The following PAPLN variants were observed in gnomAD, a reference collection of about 807,000 sequenced individuals.
PAPLN encodes papilin, proteoglycan like sulfated glycoprotein, also known as papilin.
In PAPLN, 146 loss-of-function variants were observed where a neutral mutation model predicts 159.0. That is an observed-to-expected ratio of 0.92 (90% CI 0.80 to 1.05). PAPLN has a LOEUF of 1.05. Ranked by LOEUF, PAPLN falls within the 50% of genes least tolerant of loss-of-function variation. The pLI is 0.00. For missense variants in PAPLN, 1,720 were observed against 1,743.9 expected (o/e 0.99, Z 0.24); for synonymous variants, 734 against 702.9 (o/e 1.04, Z -0.70).
intron 5 of PAPLN, among the ~76,000 whole-genome samples, chr14:73,247,913 TG>T (rs1594787691): frequency 1.5e-5 from 2 of 130,110 alleles, no homozygotes; most frequent in Admixed American, 7.6e-5. Context: ...TGTGTGTGTG[TG>T]TGTGTGTGTG....
At chr14:73,250,231 G>C in intron 6 of PAPLN, 117 bp downstream of exon 6, 2 of 1,347,810 alleles carry the variant, frequency 1.5e-6, no homozygotes, top group Non-Finnish European at 1.9e-6. Flanking sequence ...GTCTTCTCAA[G>C]TTACCAGGAC....
chr14:73,271,607 T>C (rs572683520), intron 26 of PAPLN, among the ~76,000 whole-genome samples: 1 of 152,188 alleles, frequency 6.6e-6, no homozygotes, highest in African/African-American at 2.4e-5. Context: ...GTTCAAGCGA[T>C]TCTTCTGCCT....
intron 21 of PAPLN, 100 bp from the exon 22 acceptor site, chr14:73,264,488 C>A (rs551706339): frequency 1.3e-6 from 2 of 1,521,462 alleles, no homozygotes; most frequent in East Asian, 4.5e-5. Flanking sequence ...ACCCTGTGGC[C>A]CTCATTTCTC....
At chr14:73,264,011 T>G in intron 20 of PAPLN, 200 bp from the exon 21 acceptor site, 2 of 1,368,380 alleles carry the variant, frequency 1.5e-6, no homozygotes, top group Admixed American at 4.6e-5. Flanking sequence ...CTCTGACAGG[T>G]TCACGTGACA....
In PAPLN at chr14:73,246,115, G is replaced by A. The variant is rs779938639; in HGVS notation, c.274G>A (p.Ala92Thr). 6.9e-6 allele frequency: 11 copies of A among 1,590,728 alleles called. No individual in the cohort carries two copies. Among genetic ancestry groups the A allele is most frequent in the African/African-American group, 1.4e-5 (1 of 72,430 alleles). The change falls in exon 5 of 27, where the codon GCG becomes ACG. Residue 92 changes from alanine (A) to threonine (T), a missense_variant. Ala to Thr is a moderately conservative substitution (Grantham distance 58). Transcript: ENST00000644200. ...GARDFRAEQC[A>T]EFDGAEFQGR... ...CCGGGACTTCCGGGCCGAGCAGTGCGCGGAGTTCGACGGAGCGGAGTTCCA... is the reference window on the plus strand; with the variant it reads ...CCGGGACTTCCGGGCCGAGCAGTGCACGGAGTTCGACGGAGCGGAGTTCCA...
rs745758400 is a variant in PAPLN at position 73,251,535 on chromosome 14, C to T, written c.639C>T (p.Ile213=). The T allele has an allele frequency of 1.2e-4, 194 of 1,612,038 alleles. No homozygotes were observed. Among genetic ancestry groups the T allele is most frequent in the Non-Finnish European group, 1.6e-4 (186 of 1,179,886 alleles). ...CCATGGGTGCCACCAGCATCCTCAT[C>T]GACGAGGCTGCTGCCAGCAGGAACT... The part of the protein sequence containing the change: ...IVPMGATSIL[I]DEAAASRNFL... The change falls in exon 8 of 27, where the codon ATC becomes ATT. Residue 213 remains isoleucine, a synonymous_variant. Coordinates refer to ENST00000644200, the MANE Select transcript of PAPLN (RefSeq NM_001365906.3).
At chr14:73,267,014 G>C (rs552100115) in intron 25 of PAPLN, among the ~76,000 whole-genome samples, 183 bp downstream of exon 25, 1 of 152,298 alleles carries the variant, frequency 6.6e-6, no homozygotes, top group African/African-American at 2.4e-5. Context: ...AGGGCCACTG[G>C]CTCTCTGCTG....
Position 73,243,961 on chromosome 14 carries a change from C to A in PAPLN, c.55-683C>A, listed in dbSNP as rs1883895424. 3 of 152,402 alleles carry A rather than the reference C, an allele frequency of 2.0e-5. No homozygotes were observed. In the East Asian group the frequency reaches 5.8e-4, roughly 29 times the overall value. 9.4% of individuals were successfully genotyped at this position (152,402 alleles called of 1,614,324 possible). On this transcript the variant is annotated intron_variant, in intron 2 of 26. Transcript: ENST00000644200. The stretch of plus-strand genomic sequence containing the variant: ...CAACTCCAGCCATCACATCTGCTTC[C>A]CAGACAGCCTGAAAGAGTACAGGAG...
chr14:73,249,551 G>C (rs1351392778), intron 5 of PAPLN, among the ~76,000 whole-genome samples: 1 of 151,944 alleles, frequency 6.6e-6, no homozygotes, highest in Non-Finnish European at 1.5e-5. Context: ...GCGCGTGCCT[G>C]TAGTCCCGGC....
Position 73,245,945 on chromosome 14 carries a change from T to A in PAPLN, c.232-128T>A. ...GAGTTCGGGGGTCCGGGGGGCGGAC[T>A]CCACCTCCGGCGGCTCCGATGGGGC... On this transcript the variant is annotated intron_variant, in intron 4 of 26. Coordinates refer to ENST00000644200, the MANE Select transcript of PAPLN (RefSeq NM_001365906.3). This position sits in a 1 kb window ranked among gnomAD's most constrained non-coding sequence, Gnocchi z 4.2. 1 of 1,017,656 alleles carries A rather than the reference T, an allele frequency of 9.8e-7. No individual in the cohort carries two copies. Among genetic ancestry groups the A allele is most frequent in the Non-Finnish European group, 1.4e-6 (1 of 722,686 alleles). The allele number at this position is 1,017,656 out of a possible 1,614,324, so 63.0% of individuals were successfully genotyped here.
At chr14:73,255,831 C>T (rs1885843812) in intron 14 of PAPLN, among the ~76,000 whole-genome samples, 1 of 152,208 alleles carries the variant, frequency 6.6e-6, no homozygotes, top group Non-Finnish European at 1.5e-5. Flanking sequence ...TCAGAGTCAA[C>T]AGCAGGCTTG....
At chr14:73,248,178 T>C (rs563897162) in intron 5 of PAPLN, among the ~76,000 whole-genome samples, 5 of 144,866 alleles carry the variant, frequency 3.5e-5, no homozygotes, top group Admixed American at 3.5e-4. Context: ...TCTGTGTGTG[T>C]GTGTGTGTGT....
chr14:73,267,883 T>C (rs1289681413), intron 25 of PAPLN, among the ~76,000 whole-genome samples: 5 of 152,178 alleles, frequency 3.3e-5, no homozygotes, highest in African/African-American at 7.2e-5. Flanking sequence ...GCAGACCCTA[T>C]GCTGACATAG....
chr14:73,252,809 G>A (rs374206052), intron 11 of PAPLN, 34 bp downstream of exon 11: 7 of 1,610,932 alleles, frequency 4.3e-6, no homozygotes, highest in Non-Finnish European at 5.9e-6. Flanking sequence ...CCCATGATGA[G>A]GCCCAAGAAC....
intron 14 of PAPLN, among the ~76,000 whole-genome samples, chr14:73,256,532 CAAAAAAAAA>C (rs57667060): frequency 2.2e-5 from 2 of 92,758 alleles, no homozygotes; most frequent in African/African-American, 4.1e-5. Context: ...GACTCTGTCT[CAAAAAAAAA>C]AAAAAAAAAA....
chr14:73,235,971 C>T (rs1319221779), upstream of PAPLN, among the ~76,000 whole-genome samples: 6 of 152,200 alleles, frequency 3.9e-5, no homozygotes, highest in Admixed American at 2.0e-4. Flanking sequence ...CTGAGCTTCC[C>T]GCTGGTGACT....
intron 12 of PAPLN, 59 bp from the exon 13 acceptor site, chr14:73,254,454 G>A (rs2293796): frequency 0.26 from 413,168 of 1,586,920 alleles, 55,322 homozygotes; most frequent in South Asian, 0.37. Flanking sequence ...CTAGCTGTCC[G>A]AACTGGCGTG....
At position 73,252,602 on chromosome 14, in the gene PAPLN, G is replaced by C. The variant is rs749068658; in HGVS notation, c.968-47G>C. On this transcript the variant is annotated intron_variant, in intron 10 of 26. Coordinates refer to ENST00000644200, the MANE Select transcript of PAPLN (RefSeq NM_001365906.3). ...GCGCCTGGCCCAGGGAACGCGCTTG[G>C]TGAATGTTGACTGGCGTCTGCCCGC... The C allele has an allele frequency of 9.4e-6, 15 of 1,599,770 alleles. No individual in the cohort carries two copies. In the South Asian group the frequency reaches 1.7e-4, roughly 18 times the overall value.
Position 73,262,462 on chromosome 14 carries a change from CTGCCATGGCAA to C in PAPLN, c.2364_2374del (p.His788GlnfsTer2). ...AATGTAACCGCTTCTGGTATGGCGGCTGCCATGGCAATGCCAATAACTTTGCCTCGGAGCAA... is the reference window on the plus strand; with the variant it reads ...AATGTAACCGCTTCTGGTATGGCGGCTGCCAATAACTTTGCCTCGGAGCAA... On this transcript the variant is annotated frameshift_variant, in exon 19 of 27. Coordinates refer to ENST00000644200, the MANE Select transcript of PAPLN (RefSeq NM_001365906.3). LOFTEE classifies it high-confidence loss of function. 6.2e-7 allele frequency: 1 copy of C among 1,611,346 alleles called. No homozygotes were observed. Among genetic ancestry groups the C allele is most frequent in the South Asian group, 1.1e-5 (1 of 90,814 alleles).
Sources: gnomAD v4.1 joint callset for allele counts (sites outside exome capture counted in the v4.1 genomes callset) on GRCh38, gnomAD v4.1.1 for gene constraint, Gnocchi (gnomAD v3.1) non-coding constraint, MANE v1.5 for transcripts, NCBI Gene and HGNC (gene_info 2026-07-23, HGNC 2026-07-21) for gene names.